Variants in ACER1 observed in about 807,000 individuals in gnomAD.
The protein encoded by ACER1 is alkaline ceramidase 1, also known as CTB-180A7.3.
A neutral mutation model predicts 24.9 loss-of-function variants in ACER1; 28 were observed. The observed-to-expected ratio is 1.13, with a 90% CI of 0.83 to 1.54. ACER1 has a LOEUF of 1.54. ACER1 is among the 40% of genes most tolerant of loss of function. ACER1 has a pLI of 0.00. For missense variants in ACER1, 352 were observed against 349.3 expected, an observed-to-expected ratio of 1.01 and a Z score of -0.06; for synonymous variants, 132 against 131.4, an observed-to-expected ratio of 1.00 and a Z score of -0.03.
intron 3 of ACER1, among the ~76,000 whole-genome samples, chr19:6,311,535 C>G (rs1004261438): frequency 4.7e-5 from 7 of 150,062 alleles, no homozygotes; most frequent in African/African-American, 1.7e-4. Context: ...GAGCGAGACT[C>G]TGTCTCAAAA....
At chr19:6,307,963 C>A (rs889793751) in intron 4 of ACER1, among the ~76,000 whole-genome samples, 7 of 149,716 alleles carry the variant, frequency 4.7e-5, no homozygotes, top group African/African-American at 1.7e-4. Context: ...ATGGTGGTGG[C>A]CGCCTGTAAT....
chr19:6,323,515 C>T (rs890330750), intron 1 of ACER1, among the ~76,000 whole-genome samples: 9 of 152,188 alleles, frequency 5.9e-5, no homozygotes, highest in Non-Finnish European at 1.2e-4. Context: ...TGACTTGCTC[C>T]TCCTTGCCTT....
At position 6,309,747 on chromosome 19, in the gene ACER1, G is replaced by A; in HGVS notation, c.438C>T (p.Leu146=). ...AGAGAATGTGCAGGGCAATGCTGTT[G>A]AGGGCGTAGGCGTTGACCGTGGGCC... ...FLRPTVNAYA[L]NSIALHILYI... Residue 146 remains leucine (L), a synonymous_variant, in exon 4 of 6, where the codon CTC becomes CTT. Transcript: ENST00000301452. 1 of 1,614,130 alleles carries A rather than the reference G, an allele frequency of 6.2e-7. No individual in the cohort carries two copies. The highest frequency in any genetic ancestry group is 8.5e-7 in the Non-Finnish European group (1 of 1,180,004).
intron 1 of ACER1, among the ~76,000 whole-genome samples, chr19:6,315,823 T>A (rs945261007): frequency 6.6e-6 from 1 of 152,158 alleles, no homozygotes; most frequent in Non-Finnish European, 1.5e-5. Context: ...CCTGGAATAC[T>A]ATTTAGCCAT....
At chr19:6,339,945 G>A in the ACER1 span, among the ~76,000 whole-genome samples, 4 of 151,716 alleles carry the variant, frequency 2.6e-5, no homozygotes, top group African/African-American at 7.2e-5. Flanking sequence ...GATTACAGGC[G>A]TGAGCCACCA....
the ACER1 span, among the ~76,000 whole-genome samples, chr19:6,347,950 G>A: frequency 6.6e-6 from 1 of 151,418 alleles, no homozygotes; most frequent in East Asian, 2.0e-4. Flanking sequence ...AGCACGTTGG[G>A]AGGCCAAGGT....
chr19:6,313,117 T>C (rs1037493186), intron 1 of ACER1, among the ~76,000 whole-genome samples: 5 of 152,234 alleles, frequency 3.3e-5, no homozygotes. Context: ...TCTTTTACTT[T>C]TTCTATTTAT....
chr19:6,320,836 A>G (rs1442036350), intron 1 of ACER1, among the ~76,000 whole-genome samples: 1 of 152,124 alleles, frequency 6.6e-6, no homozygotes, highest in African/African-American at 2.4e-5. Flanking sequence ...GGATTTTATG[A>G]GGATTACAGT....
chr19:6,348,666 A>G, the ACER1 span, among the ~76,000 whole-genome samples: 2 of 152,072 alleles, frequency 1.3e-5, no homozygotes, highest in African/African-American at 4.8e-5. Context: ...AAAAAAGATG[A>G]CAAAAGCTCT....
At chr19:6,355,625 G>T in the ACER1 span, among the ~76,000 whole-genome samples, 1 of 148,980 alleles carries the variant, frequency 6.7e-6, no homozygotes, top group Non-Finnish European at 1.5e-5. Context: ...GGAGGTGGGG[G>T]GGGTCAGCCC....
chr19:6,315,883 A>G (rs2091601196), intron 1 of ACER1, among the ~76,000 whole-genome samples: 1 of 152,208 alleles, frequency 6.6e-6, no homozygotes, highest in African/African-American at 2.4e-5. Context: ...TAATCTCAGC[A>G]CTTGGGGAGG....
intron 1 of ACER1, among the ~76,000 whole-genome samples, chr19:6,321,795 A>G (rs936171606): frequency 9.9e-5 from 15 of 152,128 alleles, no homozygotes; most frequent in African/African-American, 3.6e-4. Flanking sequence ...TATTTTTAGT[A>G]GAGACGGGGT....
chr19:6,307,208 G>A lies in ACER1; in HGVS notation c.571C>T (p.Arg191Cys), dbSNP rs768150338. The change falls in exon 5 of 6, where the codon CGT becomes TGT. Residue 191 changes from arginine (R) to cysteine (C), a missense_variant. By Grantham distance (180) the Arg-to-Cys change is radical (BLOSUM62 -3). Coordinates refer to ENST00000301452, the MANE Select transcript of ACER1 (RefSeq NM_133492.3). ...CTCTGCCAGAAGCTGCAAAGCAGAC[G>A]GTCACTGATCCAGCTGGTCAGAGCA... ...AVALTSWISD[R>C]LLCSFWQRIH... 15 of 1,614,018 alleles carry A rather than the reference G, an allele frequency of 9.3e-6. No homozygotes were observed. In the South Asian group the frequency reaches 1.1e-4, roughly 12 times the overall value.
At chr19:6,357,637 T>TATCC in the ACER1 span, among the ~76,000 whole-genome samples, 1 of 147,012 alleles carries the variant, frequency 6.8e-6, no homozygotes, top group African/African-American at 2.7e-5. Flanking sequence ...CTGGGCGTGA[T>TATCC]GGTGGGTGCC....
At chr19:6,347,117 T>TATATATATATA in the ACER1 span, among the ~76,000 whole-genome samples, 1 of 127,544 alleles carries the variant, frequency 7.8e-6, no homozygotes, top group Non-Finnish European at 1.6e-5. Context: ...AAAATATATA[T>TATATATATATA]ATATATATAT....
In ACER1 at chr19:6,312,437, G is replaced by A. The variant is rs1364174850; in HGVS notation, c.156C>T (p.Ala52=). Residue 52 remains alanine, a synonymous_variant, in exon 2 of 6, where the codon GCC becomes GCT. Coordinates refer to ENST00000301452, the MANE Select transcript of ACER1 (RefSeq NM_133492.3). The part of the protein sequence containing the change: ...PLMMLLMHPY[A]QKRSRYIYVV... ...CGTAAATGTAGCGGGAGCGCTTCTG[G>A]GCATACGGGTGCATCAGGAGCATCA... is the stretch of plus-strand genomic sequence containing the variant. 1 of 1,613,956 alleles carries A rather than the reference G, an allele frequency of 6.2e-7. No individual in the cohort carries two copies. The highest frequency in any genetic ancestry group is 1.1e-5 in the South Asian group (1 of 91,058).
intron 3 of ACER1, 79 bp from the exon 4 acceptor site, chr19:6,309,913 C>A: frequency 6.4e-7 from 1 of 1,565,780 alleles, no homozygotes; most frequent in Non-Finnish European, 8.7e-7. Context: ...GATCCCGTGG[C>A]CCAGGTGGGT....
chr19:6,355,275 T>C, the ACER1 span, among the ~76,000 whole-genome samples: 1 of 144,588 alleles, frequency 6.9e-6, no homozygotes, highest in East Asian at 2.1e-4. Context: ...CGTCTCTGCC[T>C]GGCCGCCCAT....
chr19:6,312,310 C>T lies in ACER1; in HGVS notation c.209-20G>A, dbSNP rs373249428. 13 of 1,613,540 alleles carry T rather than the reference C, an allele frequency of 8.1e-6. No individual in the cohort carries two copies. The highest frequency in any genetic ancestry group is 3.3e-5 in the South Asian group (3 of 91,052). Reference sequence around the variant, plus strand: ...ACAGGCCTGCAGCGGCAAGGGCAGGCGGTCAGTGGGGTCCGCCACCTCCTA... The same window carrying T: ...ACAGGCCTGCAGCGGCAAGGGCAGGTGGTCAGTGGGGTCCGCCACCTCCTA... On this transcript the variant is annotated intron_variant, in intron 2 of 5. Transcript: ENST00000301452.
Sources: gnomAD v4.1 joint callset for allele counts (sites outside exome capture counted in the v4.1 genomes callset) on GRCh38, gnomAD v4.1.1 for gene constraint, MANE v1.5 for transcripts, NCBI Gene and HGNC (gene_info 2026-07-23, HGNC 2026-07-21) for gene names.